The following SUV39H2 variants were observed in gnomAD, a reference collection of about 807,000 sequenced individuals.
SUV39H2 encodes histone-lysine N-methyltransferase SUV39H2.
Under a neutral mutation model 47.5 loss-of-function variants are expected in SUV39H2, and 10 were observed. The ratio of observed to expected loss-of-function variants is 0.21; its 90% CI spans 0.13 to 0.36. The LOEUF (loss-of-function observed/expected upper bound fraction) is 0.36. Ranked by LOEUF, SUV39H2 falls within the 10% of genes least tolerant of loss-of-function variation. The probability of loss-of-function intolerance (pLI) is 1.00; values close to 1 mark genes in which losing one functional copy is unlikely to be tolerated. For missense variants in SUV39H2, 266 were observed against 487.4 expected (o/e 0.55, Z 4.28); for synonymous variants, 159 against 166.8 (o/e 0.95, Z 0.36).
chr10:14,900,974 T>C (rs887572765), intron 4 of SUV39H2, among the ~76,000 whole-genome samples, 159 bp from the exon 5 acceptor site: 2 of 152,218 alleles, frequency 1.3e-5, no homozygotes, highest in African/African-American at 4.8e-5. Flanking sequence ...GAAAAAAATC[T>C]TTTTAAATGT....
At chr10:14,887,160 ATAGTAACC>A (rs1833237008) in intron 2 of SUV39H2, among the ~76,000 whole-genome samples, 1 of 152,232 alleles carries the variant, frequency 6.6e-6, no homozygotes, top group Non-Finnish European at 1.5e-5. Flanking sequence ...AATGGCTGTC[ATAGTAACC>A]AGACCAGAAA....
rs112347494 is a variant in SUV39H2, at chr10:14,885,758, C to G, written c.177+4113C>G. Among the ~76,000 whole-genome samples, 16 of 152,214 alleles carry G rather than the reference C, an allele frequency of 1.1e-4. 2 individuals are homozygous for G. Among genetic ancestry groups the G allele is most frequent in the African/African-American group, 3.6e-4 (15 of 41,518 alleles). Reference sequence around the variant, plus strand: ...AGCATACCTCTGCCTTTTTTCTTCTCTTTCTCTTTCTTTTACAAATTCAGA... The same window carrying G: ...AGCATACCTCTGCCTTTTTTCTTCTGTTTCTCTTTCTTTTACAAATTCAGA... On this transcript the variant is annotated intron_variant, in intron 2 of 5. Coordinates refer to ENST00000354919, the MANE Select transcript of SUV39H2 (RefSeq NM_001193424.2).
At chr10:14,881,858 G>C (rs1014050112) in intron 2 of SUV39H2, among the ~76,000 whole-genome samples, 6 of 152,192 alleles carry the variant, frequency 3.9e-5, no homozygotes, top group African/African-American at 1.4e-4. Context: ...ATTTTCAGGT[G>C]CTCATATCCC....
chr10:14,886,962 C>G (rs964469861), intron 2 of SUV39H2, among the ~76,000 whole-genome samples: 2 of 152,036 alleles, frequency 1.3e-5, no homozygotes, highest in Non-Finnish European at 1.5e-5. Context: ...ATGAGGTGGT[C>G]GGAGATGGAT....
chr10:14,901,211 A>G lies in SUV39H2; in HGVS notation c.1075A>G (p.Thr359Ala). The G allele has an allele frequency of 6.2e-7, 1 of 1,614,104 alleles. No individual in the cohort carries two copies. Among genetic ancestry groups the G allele is most frequent in the Non-Finnish European group, 8.5e-7 (1 of 1,179,986 alleles). ...TCTTCCCCGAATAGCATTGTTTTCCACAAGAACCATAAATGCTGGAGAAGA... is the reference window on the plus strand; with the variant it reads ...TCTTCCCCGAATAGCATTGTTTTCCGCAAGAACCATAAATGCTGGAGAAGA... Reference protein sequence around the residue: ...TRLPRIALFSTRTINAGEELT... With the variant: ...TRLPRIALFSARTINAGEELT... The change falls in exon 5 of 6, where the codon ACA (threonine) becomes GCA (alanine). Residue 359 changes from threonine (T) to alanine (A), a missense_variant. Transcript: ENST00000354919.
At chr10:14,899,068 C>T (rs2131711517) in intron 3 of SUV39H2, 2 of 598,286 alleles carry the variant, frequency 3.3e-6, no homozygotes, top group East Asian at 5.5e-5. Context: ...ACAGTTAATC[C>T]CAGCACTTGG....
chr10:14,897,581 C>T, intron 3 of SUV39H2, 64 bp downstream of exon 3: 1 of 1,321,384 alleles, frequency 7.6e-7, no homozygotes. Context: ...GGAAAATTAC[C>T]TTTTTATCTC....
chr10:14,902,681 C>T lies in SUV39H2; in HGVS notation c.*169C>T, dbSNP rs1834106064. The T allele has an allele frequency of 5.9e-6, 3 of 507,048 alleles. No homozygotes were observed. The allele number at this position is 507,048 out of a possible 1,614,324, so 31.4% of individuals were successfully genotyped here. On this transcript the variant is annotated 3_prime_UTR_variant, in exon 6 of 6. Coordinates refer to ENST00000354919, the MANE Select transcript of SUV39H2 (RefSeq NM_001193424.2). ...TTACCGATGCCTCTGAAAAGGGGGT[C>T]ACTGGGTCTCATAGACTGATATGAA...
At position 14,896,087 on chromosome 10, in the gene SUV39H2, C is replaced by G. The variant is rs186983677; in HGVS notation, c.178-759C>G. Among the ~76,000 whole-genome samples, 407 of 152,108 alleles carry G rather than the reference C, an allele frequency of 2.7e-3. 2 individuals are homozygous for G. Among genetic ancestry groups the G allele is most frequent in the African/African-American group, 9.3e-3 (387 of 41,488 alleles). On this transcript the variant is annotated intron_variant, in intron 2 of 5. Transcript: ENST00000354919. ...CCCTCCCTAGTACTGGCATTACAGG[C>G]GTGCACCACCACACCCAGCTAATTT... is the stretch of plus-strand genomic sequence containing the variant.
chr10:14,879,393 G>A (rs1268653278), intron 1 of SUV39H2, among the ~76,000 whole-genome samples: 1 of 152,246 alleles, frequency 6.6e-6, no homozygotes, highest in Non-Finnish European at 1.5e-5. Context: ...ATCAGAGGGG[G>A]AGAGTAAATC....
At chr10:14,885,230 C>G (rs148794896) in intron 2 of SUV39H2, among the ~76,000 whole-genome samples, 32 of 152,240 alleles carry the variant, frequency 2.1e-4, no homozygotes, top group African/African-American at 7.5e-4. Flanking sequence ...ACTGGATACC[C>G]TACAGGTATC....
chr10:14,900,658 G>C lies in SUV39H2; in HGVS notation c.997-475G>C, dbSNP rs187151168. On this transcript the variant is annotated intron_variant, in intron 4 of 5. Transcript: ENST00000354919. Reference sequence around the variant, plus strand: ...TTTACTGTAGTATTCTCAAAACATTGAAGAGTTTGGACCAAAAATTCAAGC... The same window carrying C: ...TTTACTGTAGTATTCTCAAAACATTCAAGAGTTTGGACCAAAAATTCAAGC... Among the ~76,000 whole-genome samples, 116 of 152,230 alleles carry C rather than the reference G, an allele frequency of 7.6e-4. 1 individual carries two copies. The highest frequency in any genetic ancestry group is 3.4e-3 in the Middle Eastern group (1 of 294).
At chr10:14,902,000 CCTTT>C (rs1308791877) in intron 5 of SUV39H2, among the ~76,000 whole-genome samples, 1 of 152,120 alleles carries the variant, frequency 6.6e-6, no homozygotes, top group Non-Finnish European at 1.5e-5. Context: ...TGTTTTCTTT[CCTTT>C]AAGAATGATG....
chr10:14,899,384 C>A, intron 3 of SUV39H2, 155 bp from the exon 4 acceptor site: 1 of 788,176 alleles, frequency 1.3e-6, no homozygotes, highest in Non-Finnish European at 2.1e-6. Context: ...CACCTCTTTG[C>A]ATCTGAGTCT....
chr10:14,899,083 G>T (rs1833806797), intron 3 of SUV39H2: 1 of 614,996 alleles, frequency 1.6e-6, no homozygotes, highest in South Asian at 1.9e-5. Context: ...ACTTGGGGAG[G>T]TCAAGGCTGG....
chr10:14,879,236 C>A, intron 1 of SUV39H2: 1 of 680,684 alleles, frequency 1.5e-6, no homozygotes, highest in Non-Finnish European at 1.9e-6. Context: ...TTCGAGGCCG[C>A]TCCCCGGCAG....
chr10:14,887,477 C>A (rs986878462), intron 2 of SUV39H2, among the ~76,000 whole-genome samples: 19 of 152,108 alleles, frequency 1.2e-4, no homozygotes, highest in African/African-American at 4.6e-4. Context: ...TTCTTGAGTA[C>A]TTTCAAAATG....
At chr10:14,890,903 T>C (rs1833367344) in intron 2 of SUV39H2, among the ~76,000 whole-genome samples, 1 of 152,214 alleles carries the variant, frequency 6.6e-6, no homozygotes, top group Non-Finnish European at 1.5e-5. Context: ...CTCATACAGT[T>C]ATTGTTGTGA....
chr10:14,883,680 G>A (rs1833113006), intron 2 of SUV39H2, among the ~76,000 whole-genome samples: 1 of 137,346 alleles, frequency 7.3e-6, no homozygotes, highest in African/African-American at 2.8e-5. Context: ...ACTCCAGCCT[G>A]GGCAACAGAG....
Sources: gnomAD v4.1 joint callset for allele counts (sites outside exome capture counted in the v4.1 genomes callset) on GRCh38, gnomAD v4.1.1 for gene constraint, MANE v1.5 for transcripts, NCBI Gene and HGNC (gene_info 2026-07-23, HGNC 2026-07-21) for gene names.